Variants in PTPRM observed in about 807,000 individuals in gnomAD.
The protein encoded by PTPRM is receptor-type tyrosine-protein phosphatase mu.
In PTPRM, 47 loss-of-function variants were observed where a neutral mutation model predicts 186.7. The ratio of observed to expected loss-of-function variants is 0.25; its 90% CI spans 0.20 to 0.32. PTPRM has a LOEUF of 0.32. Among genes scored for constraint, PTPRM ranks in the 10% least tolerant of loss-of-function variants. PTPRM has a pLI of 1.00. For missense variants in PTPRM, 1,494 were observed against 1,865.0 expected, an observed-to-expected ratio of 0.80 and a Z score of 3.66; for synonymous variants, 668 against 674.9, an observed-to-expected ratio of 0.99 and a Z score of 0.16.
chr18:8,113,872 A>C (rs1028809257), intron 12 of PTPRM, 113 bp downstream of exon 12: 1 of 1,100,906 alleles, frequency 9.1e-7, no homozygotes, highest in South Asian at 1.9e-5. Context: ...TTCTACTTGT[A>C]AACAAATGTG....
chr18:8,346,670 C>G (rs1007673833), intron 23 of PTPRM, among the ~76,000 whole-genome samples: 4 of 152,110 alleles, frequency 2.6e-5, no homozygotes, highest in African/African-American at 9.7e-5. Flanking sequence ...AAGTTCCTGC[C>G]CATTCCGAGG....
chr18:8,344,535 A>G (rs1271324588), intron 23 of PTPRM, among the ~76,000 whole-genome samples: 1 of 151,118 alleles, frequency 6.6e-6, no homozygotes. Context: ...AATTCTAGAT[A>G]AAAATATAAA....
intron 1 of PTPRM, among the ~76,000 whole-genome samples, chr18:7,716,456 G>A (rs1170182586): frequency 6.6e-6 from 1 of 152,100 alleles, no homozygotes; most frequent in African/African-American, 2.4e-5. Context: ...AACACCAAAA[G>A]CAATGGCAAC....
At chr18:7,780,092 A>G (rs917022264) in intron 2 of PTPRM, among the ~76,000 whole-genome samples, 6 of 152,250 alleles carry the variant, frequency 3.9e-5, no homozygotes, top group African/African-American at 1.4e-4. Flanking sequence ...TCTCTAAAAA[A>G]AGTAAGATAA....
intron 13 of PTPRM, among the ~76,000 whole-genome samples, chr18:8,129,615 C>G (rs550401071): frequency 3.1e-4 from 47 of 152,264 alleles, no homozygotes; most frequent in African/African-American, 9.6e-4. Context: ...GATTTAGGCT[C>G]TCTTGTACAT....
intron 1 of PTPRM, among the ~76,000 whole-genome samples, chr18:7,582,906 A>C (rs2143523463): frequency 6.6e-6 from 1 of 152,198 alleles, no homozygotes; most frequent in East Asian, 1.9e-4. Flanking sequence ...TAGCCTCATT[A>C]AACTTGAGTT....
At position 7,696,133 on chromosome 18, in the gene PTPRM, T is replaced by C. The variant is rs535779424; in HGVS notation, c.74-78016T>C. On this transcript the variant is annotated intron_variant, in intron 1 of 32. Transcript: ENST00000580170. ...CTCATTTTAAAGTCAAGAAAATGGC[T>C]CACTTGTACTATCAGCTATGCCTTT... is the stretch of plus-strand genomic sequence containing the variant. Among the ~76,000 whole-genome samples the C allele has an allele frequency of 2.0e-5, 3 of 152,334 alleles. No homozygotes were observed. The East Asian group carries it at 5.8e-4, about 29-fold the overall frequency.
At chr18:7,785,239 TGAGTATGTGTA>T (rs2043043793) in intron 2 of PTPRM, among the ~76,000 whole-genome samples, 1 of 152,134 alleles carries the variant, frequency 6.6e-6, no homozygotes, top group South Asian at 2.1e-4. Context: ...AATATTTAAC[TGAGTATGTGTA>T]GAGGAAAATT....
chr18:8,035,910 A>G (rs2086295115), intron 7 of PTPRM, among the ~76,000 whole-genome samples: 1 of 152,206 alleles, frequency 6.6e-6, no homozygotes, highest in Non-Finnish European at 1.5e-5. Flanking sequence ...GAAATAAGCT[A>G]CTTGAAATGA....
chr18:7,973,429 T>A (rs2054708309), intron 7 of PTPRM, among the ~76,000 whole-genome samples: 1 of 152,192 alleles, frequency 6.6e-6, no homozygotes, highest in Admixed American at 6.5e-5. Flanking sequence ...AAAAAATCAA[T>A]TTATTGGTTT....
chr18:8,191,293 C>T (rs535511259), intron 14 of PTPRM, among the ~76,000 whole-genome samples: 13 of 152,086 alleles, frequency 8.5e-5, no homozygotes, highest in East Asian at 5.8e-4. Context: ...CAGAGATTGG[C>T]GGAACACAGA....
Position 7,594,735 on chromosome 18 carries a change from A to G in PTPRM, c.73+26844A>G, listed in dbSNP as rs144574808. On this transcript the variant is annotated intron_variant, in intron 1 of 32. Transcript: ENST00000580170. ...ATGGGTGATGCTCTTCTCATTAACA[A>G]TTTTCTTGTCAATATGGCAGAATAA... Among the ~76,000 whole-genome samples, 822 of 152,146 alleles carry G rather than the reference A, an allele frequency of 5.4e-3. 7 individuals are homozygous for G. Among genetic ancestry groups the G allele is most frequent in the South Asian group, 0.028 (135 of 4,812 alleles).
intron 11 of PTPRM, among the ~76,000 whole-genome samples, chr18:8,097,898 G>A (rs1221083203): frequency 6.6e-6 from 1 of 152,190 alleles, no homozygotes. Flanking sequence ...CAGAGCATAA[G>A]GACATTTCAT....
Position 8,002,087 on chromosome 18 carries a change from C to T in PTPRM, c.1132+46673C>T, listed in dbSNP as rs189019838. ...GTGAGATGAGATCATAGAAAAATTG[C>T]CGGTAATCCATCCACTGACATTCAC... On this transcript the variant is annotated intron_variant, in intron 7 of 32. Transcript: ENST00000580170. Among the ~76,000 whole-genome samples the T allele has an allele frequency of 9.2e-5, 14 of 152,254 alleles. No individual in the cohort carries two copies. The East Asian group carries it at 2.7e-3, about 29-fold the overall frequency.
chr18:8,144,892 A>T (rs1384501838), intron 14 of PTPRM, among the ~76,000 whole-genome samples: 1 of 152,192 alleles, frequency 6.6e-6, no homozygotes, highest in Admixed American at 6.5e-5. Flanking sequence ...GTAGTCATGC[A>T]TTGAGAGTGA....
intron 1 of PTPRM, among the ~76,000 whole-genome samples, chr18:7,653,746 C>G (rs1255963498): frequency 7.2e-5 from 11 of 152,116 alleles, no homozygotes; most frequent in Non-Finnish European, 1.5e-5. Context: ...ATTCCATGTC[C>G]TTGCTGTTGT....
chr18:7,941,914 C>T (rs527484588), intron 5 of PTPRM, among the ~76,000 whole-genome samples: 42 of 152,262 alleles, frequency 2.8e-4, no homozygotes, highest in African/African-American at 9.4e-4. Context: ...AAAAGTAATA[C>T]CTTTCCTCAC....
chr18:8,334,977 C>T (rs1016886309), intron 22 of PTPRM, among the ~76,000 whole-genome samples: 1 of 152,128 alleles, frequency 6.6e-6, no homozygotes, highest in African/African-American at 2.4e-5. Context: ...AGTACAGGTG[C>T]CCCCCGTAGA....
At chr18:8,208,540 C>T in intron 14 of PTPRM, among the ~76,000 whole-genome samples, 1 of 149,906 alleles carries the variant, frequency 6.7e-6, no homozygotes, top group African/African-American at 2.5e-5. Context: ...TAAACAGGGT[C>T]TCACTCTGTC....
Sources: gnomAD v4.1 joint callset for allele counts (sites outside exome capture counted in the v4.1 genomes callset) on GRCh38, gnomAD v4.1.1 for gene constraint, MANE v1.5 for transcripts, NCBI Gene and HGNC (gene_info 2026-07-23, HGNC 2026-07-21) for gene names.